The following WBP4 variants were observed in gnomAD, a reference collection of about 807,000 sequenced individuals.
WBP4 encodes the protein WW domain-binding protein 4.
WBP4 carries 37 observed loss-of-function variants against 55.4 expected under a neutral mutation model. The ratio of observed to expected loss-of-function variants is 0.67; its 90% confidence interval spans 0.51 to 0.88. WBP4 has a LOEUF of 0.88. Among genes scored for constraint, WBP4 ranks in the 40% least tolerant of loss-of-function variants. The pLI is 0.00. For synonymous variants in WBP4, 142 were observed against 140.2 expected, an observed-to-expected ratio of 1.01 and a Z score of -0.09; for missense variants, 398 against 420.8, an observed-to-expected ratio of 0.95 and a Z score of 0.47.
intron 8 of WBP4, among the ~76,000 whole-genome samples, chr13:41,080,214 A>T (rs965449323): frequency 9.2e-5 from 14 of 152,220 alleles, no homozygotes; most frequent in African/African-American, 3.4e-4. Flanking sequence ...TATTTTTTAA[A>T]AGATAAATTA....
rs763158765 is a variant in WBP4, at chr13:41,072,881, T to C, written c.562+24T>C. On this transcript the variant is annotated intron_variant, in intron 7 of 9. Coordinates refer to ENST00000379487, the MANE Select transcript of WBP4 (RefSeq NM_007187.5). ...AGGTAAGTATTACCTTTGATTATCTTAACTGTTTAAAATTGTACCTGGAAC... is the reference window on the plus strand; with the variant it reads ...AGGTAAGTATTACCTTTGATTATCTCAACTGTTTAAAATTGTACCTGGAAC... 3.2e-6 allele frequency: 5 copies of C among 1,587,046 alleles called. No homozygotes were observed. In the South Asian group the frequency reaches 5.6e-5, roughly 18 times the overall value.
chr13:41,064,986 C>T, intron 2 of WBP4, 30 bp from the exon 3 acceptor site: 1 of 1,521,636 alleles, frequency 6.6e-7, no homozygotes. Context: ...ATGTAGTTTT[C>T]TTTTGTTATT....
chr13:41,072,770 T>A lies in WBP4; in HGVS notation c.487-12T>A. The A allele has an allele frequency of 1.9e-6, 3 of 1,610,438 alleles. No homozygotes were observed. Among genetic ancestry groups the A allele is most frequent in the Non-Finnish European group, 2.5e-6 (3 of 1,178,724 alleles). On this transcript the variant is annotated splice_polypyrimidine_tract_variant and intron_variant, in intron 6 of 9. Transcript: ENST00000379487. Reference sequence around the variant, plus strand: ...ATCCTTAGTTTATGCTGGGTTTTTTTCCTCCTATTAGACAGCAGTGAAGAC... The same window carrying A: ...ATCCTTAGTTTATGCTGGGTTTTTTACCTCCTATTAGACAGCAGTGAAGAC...
intron 2 of WBP4, 55 bp from the exon 3 acceptor site, chr13:41,064,961 A>C: frequency 1.8e-5 from 26 of 1,426,136 alleles, no homozygotes; most frequent in Non-Finnish European, 2.3e-5. Context: ...GTTTACTATG[A>C]ATTTTATGAT....
intron 1 of WBP4, chr13:41,062,384 A>G (rs1877722845): frequency 4.8e-6 from 4 of 835,384 alleles, no homozygotes; most frequent in South Asian, 1.1e-4. Flanking sequence ...AACGATGACG[A>G]TAACAAGTGA....
chr13:41,064,342 T>G (rs1877847424), intron 2 of WBP4, among the ~76,000 whole-genome samples: 1 of 152,128 alleles, frequency 6.6e-6, no homozygotes, highest in Non-Finnish European at 1.5e-5. Context: ...AGTGCTGCAG[T>G]CAGTAAGCTT....
intron 4 of WBP4, among the ~76,000 whole-genome samples, chr13:41,067,983 T>A (rs1878049519): frequency 6.6e-6 from 1 of 152,084 alleles, no homozygotes. Flanking sequence ...TTTACTTTTT[T>A]CCCAAATAAT....
At chr13:41,072,717 C>CT (rs1878302115) in intron 6 of WBP4, 65 bp from the exon 7 acceptor site, 5 of 1,464,772 alleles carry the variant, frequency 3.4e-6, no homozygotes, top group South Asian at 1.2e-5. Flanking sequence ...GGCTGACTGT[C>CT]TGAGTTATTC....
intron 8 of WBP4, among the ~76,000 whole-genome samples, chr13:41,077,564 TTC>T (rs1185100154): frequency 6.6e-6 from 1 of 152,110 alleles, no homozygotes; most frequent in Non-Finnish European, 1.5e-5. Flanking sequence ...ACTGAAAGTA[TTC>T]TCCCTAAGAA....
chr13:41,069,564 A>C (rs917371688), intron 5 of WBP4, among the ~76,000 whole-genome samples: 4 of 152,126 alleles, frequency 2.6e-5, no homozygotes, highest in African/African-American at 9.7e-5. Flanking sequence ...TGGGAGGCTG[A>C]GGCAGGAGAA....
At position 41,082,997 on chromosome 13, in the gene WBP4, A is replaced by G. The variant is rs187632133; in HGVS notation, c.*83A>G. On this transcript the variant is annotated 3_prime_UTR_variant, in exon 10 of 10. Transcript: ENST00000379487. ...AGTTTATCTGTGTTTGTTTGTAAGT[A>G]TTATGATGCTAAAAATTTAGATTTA... The G allele has an allele frequency of 1.6e-6, 2 of 1,223,332 alleles. No homozygotes were observed. Among genetic ancestry groups the G allele is most frequent in the African/African-American group, 3.1e-5 (2 of 64,924 alleles). 75.8% of individuals were successfully genotyped at this position (1,223,332 alleles called of 1,614,324 possible). A position where few individuals can be genotyped will look rare whatever the true frequency, so the allele number is the denominator to read the frequency against.
chr13:41,069,725 AAAAG>A (rs1878146324), intron 5 of WBP4, among the ~76,000 whole-genome samples: 1 of 150,648 alleles, frequency 6.6e-6, no homozygotes, highest in Admixed American at 6.6e-5. Flanking sequence ...AAAAAAAAAA[AAAAG>A]TAGCCAAGCG....
At chr13:41,081,531 A>G (rs985353081) in intron 9 of WBP4, among the ~76,000 whole-genome samples, 3 of 150,658 alleles carry the variant, frequency 2.0e-5, no homozygotes, top group African/African-American at 7.4e-5. Context: ...TGTAAAAACT[A>G]AATAGATAAG....
chr13:41,065,000 T>A lies in WBP4; in HGVS notation c.76-16T>A. The A allele has an allele frequency of 6.5e-7, 1 of 1,544,356 alleles. No homozygotes were observed. Reference sequence around the variant, plus strand: ...TATGTAGTTTTCTTTTGTTATTTTCTCTTTTCATTTTCAAGAGTGTTGAAT... The same window carrying A: ...TATGTAGTTTTCTTTTGTTATTTTCACTTTTCATTTTCAAGAGTGTTGAAT... On this transcript the variant is annotated splice_polypyrimidine_tract_variant and intron_variant, in intron 2 of 9. Transcript: ENST00000379487.
intron 4 of WBP4, 77 bp downstream of exon 4, chr13:41,065,364 T>C: frequency 6.8e-7 from 1 of 1,480,800 alleles, no homozygotes; most frequent in South Asian, 1.4e-5. Flanking sequence ...TAAGCTTTGA[T>C]TGCTTCCATA....
chr13:41,072,360 G>A (rs532034069), intron 6 of WBP4, among the ~76,000 whole-genome samples: 9 of 152,320 alleles, frequency 5.9e-5, no homozygotes, highest in East Asian at 1.9e-4. Flanking sequence ...TCACAGTTAT[G>A]CAGGCTGTAC....
intron 9 of WBP4, 102 bp downstream of exon 9, chr13:41,080,911 A>G (rs997284853): frequency 1.5e-6 from 2 of 1,319,448 alleles, no homozygotes; most frequent in South Asian, 1.3e-5. Flanking sequence ...TGTGCTTATT[A>G]AAAGTATAGC....
chr13:41,062,532 C>A, intron 1 of WBP4, 112 bp from the exon 2 acceptor site: 1 of 951,316 alleles, frequency 1.1e-6, no homozygotes, highest in Non-Finnish European at 1.5e-6. Flanking sequence ...CATAACAAGA[C>A]AAGATTCAGT....
At chr13:41,064,703 G>A (rs1026788555) in intron 2 of WBP4, among the ~76,000 whole-genome samples, 6 of 151,910 alleles carry the variant, frequency 3.9e-5, no homozygotes, top group African/African-American at 9.7e-5. Context: ...TTCATGTCAC[G>A]TTTGAGTCCT....
Sources: allele counts gnomAD v4.1 joint callset (sites outside exome capture counted in the v4.1 genomes callset), GRCh38; gene constraint gnomAD v4.1.1; transcripts MANE v1.5; gene names NCBI Gene and HGNC (gene_info 2026-07-23, HGNC 2026-07-21).